Variants in PER3 observed in about 807,000 individuals in gnomAD.
PER3 encodes the protein period circadian protein homolog 3.
Under a neutral mutation model 127.2 loss-of-function variants are expected in PER3, and 107 were observed. The observed-to-expected ratio is 0.84, with a 90% confidence interval of 0.72 to 0.99. The LOEUF (loss-of-function observed/expected upper bound fraction) is 0.99. Ranked by LOEUF, PER3 falls within the 50% of genes least tolerant of loss-of-function variation. The pLI, the probability that PER3 is intolerant of heterozygous loss-of-function variation, is 0.00. For synonymous variants in PER3, 618 were observed against 585.8 expected (o/e 1.05, Z -0.79); for missense variants, 1,560 against 1,525.8 (o/e 1.02, Z -0.37).
At position 7,827,746 on chromosome 1, in the gene PER3, G is replaced by C; in HGVS notation, c.2817G>C (p.Gln939His). ...CACCCTTGCAGTTAAACTTACTTCA[G>C]GAAGAGATGCCCAGACCCTCTGAAT... The part of the protein sequence containing the change: ...SSSPLQLNLL[Q>H]EEMPRPSESP... Residue 939 changes from glutamine (Q) to histidine (H), a missense_variant, in exon 18 of 22, where the codon CAG (glutamine) becomes CAC (histidine). Gln to His is a conservative substitution (Grantham distance 24). Around this residue, in one of 3 missense-constraint regions of PER3, gnomAD observed 1,332 missense variants for 1,223.6 expected, o/e 1.09. Coordinates refer to ENST00000377532, the MANE Select transcript of PER3 (RefSeq NM_001377275.1). 1 of 1,614,090 alleles carries C rather than the reference G, an allele frequency of 6.2e-7. No homozygotes were observed. The highest frequency in any genetic ancestry group is 8.5e-7 in the Non-Finnish European group (1 of 1,180,042).
At chr1:7,822,468 G>A (rs983362595) in intron 16 of PER3, among the ~76,000 whole-genome samples, 1 of 151,984 alleles carries the variant, frequency 6.6e-6, no homozygotes, top group African/African-American at 2.4e-5. Flanking sequence ...GGCCAGGCTG[G>A]TCTCGAACTC....
At chr1:7,795,663 G>A (rs1488791644) in intron 6 of PER3, among the ~76,000 whole-genome samples, 1 of 152,216 alleles carries the variant, frequency 6.6e-6, no homozygotes, top group African/African-American at 2.4e-5. Context: ...GAACGAGGAT[G>A]GAAGAAGACG....
chr1:7,830,752 C>T (rs940745010), intron 19 of PER3, among the ~76,000 whole-genome samples: 11 of 152,230 alleles, frequency 7.2e-5, no homozygotes, highest in South Asian at 4.1e-4. Context: ...GTTAAATTGC[C>T]GTGATGCCTT....
At chr1:7,830,503 C>A (rs1302075541) in intron 19 of PER3, among the ~76,000 whole-genome samples, 1 of 152,194 alleles carries the variant, frequency 6.6e-6, no homozygotes, top group Non-Finnish European at 1.5e-5. Context: ...TGCTTTCTGT[C>A]ACTTTAGTTT....
chr1:7,809,853 C>T (rs771450810), intron 11 of PER3, 40 bp from the exon 12 acceptor site: 7 of 1,596,532 alleles, frequency 4.4e-6, no homozygotes, highest in Non-Finnish European at 5.1e-6. Context: ...TGCATTTGAA[C>T]AGCCAGCAAT....
chr1:7,793,896 T>C, intron 5 of PER3, 61 bp from the exon 6 acceptor site: 1 of 1,367,902 alleles, frequency 7.3e-7, no homozygotes, highest in Non-Finnish European at 1.0e-6. Context: ...TGGTGCAACA[T>C]TGTTTCACTG....
At chr1:7,831,957 G>A (rs1459392595) in intron 19 of PER3, among the ~76,000 whole-genome samples, 2 of 152,052 alleles carry the variant, frequency 1.3e-5, no homozygotes, top group African/African-American at 4.8e-5. Context: ...GTGTTGAACT[G>A]ATATTATTTT....
At chr1:7,803,985 C>T (rs1350197717) in intron 10 of PER3, 137 bp downstream of exon 10, 1 of 657,494 alleles carries the variant, frequency 1.5e-6, no homozygotes, top group East Asian at 2.7e-5. Context: ...TTTGGGGAGA[C>T]AGTTTGACAG....
chr1:7,840,949 C>T (rs367689575), intron 21 of PER3, among the ~76,000 whole-genome samples: 6 of 152,224 alleles, frequency 3.9e-5, no homozygotes, highest in Admixed American at 6.5e-5. Flanking sequence ...ATCTTTGTCT[C>T]GCAATTCTTT....
intron 1 of PER3, 48 bp from the exon 2 acceptor site, chr1:7,784,606 G>A: frequency 3.1e-6 from 1 of 319,716 alleles, no homozygotes; most frequent in Non-Finnish European, 5.7e-6. Flanking sequence ...GCTGGCGTCG[G>A]ACTGTCTGTT....
chr1:7,823,598 C>T (rs371768252), intron 16 of PER3, among the ~76,000 whole-genome samples: 39 of 151,624 alleles, frequency 2.6e-4, no homozygotes, highest in East Asian at 7.7e-4. Context: ...GCCAAGATTG[C>T]GCCATTGCAC....
In PER3 at chr1:7,786,792, G is replaced by A. The variant is rs776382938; in HGVS notation, c.346G>A (p.Glu116Lys). The A allele has an allele frequency of 1.2e-6, 2 of 1,611,874 alleles. No individual in the cohort carries two copies. The highest frequency in any genetic ancestry group is 8.5e-7 in the Non-Finnish European group (1 of 1,177,948). The change falls in exon 4 of 22, where the codon GAG becomes AAG. Residue 116 changes from glutamate to lysine, a missense_variant. Glu to Lys is a moderately conservative substitution (Grantham distance 56, BLOSUM62 1). This residue lies in a region of PER3 where 1,332 missense variants were observed against 1,223.6 expected (regional missense o/e 1.09). Transcript: ENST00000377532. ...PQADVSMYSL[E>K]ELATIASEHT... ...GGCAGATGTGAGCATGTACAGTCTT[G>A]AGGAGCTGGCCACTATCGCTTCAGA...
intron 10 of PER3, among the ~76,000 whole-genome samples, chr1:7,806,676 C>G (rs946751158): frequency 6.6e-6 from 1 of 151,062 alleles, no homozygotes; most frequent in Non-Finnish European, 1.5e-5. Flanking sequence ...TGCCTGTAGT[C>G]CCAGCTACTT....
chr1:7,806,809 AAAAATATATAT>A (rs1164015693), intron 10 of PER3, among the ~76,000 whole-genome samples: 1 of 82,022 alleles, frequency 1.2e-5, no homozygotes, highest in African/African-American at 4.6e-5. Context: ...AAAAAAAAAA[AAAAATATATAT>A]ATATATATAT....
Position 7,827,488 on chromosome 1 carries a change from T to A in PER3, c.2559T>A (p.Asp853Glu). Residue 853 changes from aspartate to glutamate, a missense_variant, in exon 18 of 22, where the codon GAT (aspartate) becomes GAA (glutamate). By Grantham distance (45) the Asp-to-Glu change is conservative (BLOSUM62 2). This residue lies in a region of PER3 where 1,332 missense variants were observed against 1,223.6 expected (regional missense o/e 1.09). Coordinates refer to ENST00000377532, the MANE Select transcript of PER3 (RefSeq NM_001377275.1). ...CAGCTTTCCCTTTTCCTTACTTGGA[T>A]ACTTTTATGACCGTTTTCCTGCCTG... ...PYPAFPFPYL[D>E]TFMTVFLPDP... 6.2e-7 allele frequency: 1 copy of A among 1,614,240 alleles called. No individual in the cohort carries two copies. Among genetic ancestry groups the A allele is most frequent in the Non-Finnish European group, 8.5e-7 (1 of 1,180,044 alleles).
At position 7,820,603 on chromosome 1, in the gene PER3, C is replaced by G; in HGVS notation, c.1920C>G (p.Tyr640Ter). The change falls in exon 16 of 22, where the codon TAC becomes TAG. Residue 640 changes from tyrosine (Y) to a stop codon, truncating the protein, a stop_gained. Coordinates refer to ENST00000377532, the MANE Select transcript of PER3 (RefSeq NM_001377275.1). LOFTEE classifies it high-confidence loss of function. ...GGTCGGGCATAAGCCAATGCGGTTACAGCAGCACCATTGTCCATGTCCCAC... is the reference window on the plus strand; with the variant it reads ...GGTCGGGCATAAGCCAATGCGGTTAGAGCAGCACCATTGTCCATGTCCCAC... Reference protein sequence around the residue: ...SLGSGISQCGYSSTIVHVPPP... With the variant: ...SLGSGISQCG 1 of 1,614,152 alleles carries G rather than the reference C, an allele frequency of 6.2e-7. No individual in the cohort carries two copies. Among genetic ancestry groups the G allele is most frequent in the Non-Finnish European group, 8.5e-7 (1 of 1,180,006 alleles).
At chr1:7,792,399 A>T (rs546521705) in intron 5 of PER3, among the ~76,000 whole-genome samples, 2 of 152,210 alleles carry the variant, frequency 1.3e-5, no homozygotes, top group Non-Finnish European at 2.9e-5. Context: ...GGGAACTACA[A>T]TTCAAGATGA....
chr1:7,787,179 C>T, intron 4 of PER3: 1 of 572,040 alleles, frequency 1.7e-6, no homozygotes, highest in Non-Finnish European at 2.3e-6. Flanking sequence ...TTGTTAATTT[C>T]TATTTATATC....
Position 7,808,950 on chromosome 1 carries a change from C to T in PER3, c.1194C>T (p.Asp398=). The T allele has an allele frequency of 6.3e-7, 1 of 1,598,940 alleles. No individual in the cohort carries two copies. The highest frequency in any genetic ancestry group is 8.6e-7 in the Non-Finnish European group (1 of 1,167,214). ...ATKIKKMNDN[D]KDITELQEQI... ...AAATTAAAAAGATGAACGATAATGA[C>T]AAAGACATAACAGAATTACAAGAAC... The change falls in exon 11 of 22, where the codon GAC becomes GAT. Residue 398 remains aspartate, a synonymous_variant. Transcript: ENST00000377532.
Sources: allele counts gnomAD v4.1 joint callset (sites outside exome capture counted in the v4.1 genomes callset), GRCh38; gene constraint gnomAD v4.1.1; regional missense constraint gnomAD v4.1.1; transcripts MANE v1.5; gene names NCBI Gene and HGNC (gene_info 2026-07-23, HGNC 2026-07-21).